The following NRG1 variants were observed in gnomAD, a reference collection of about 807,000 sequenced individuals.
The protein encoded by NRG1 is pro-neuregulin-1, membrane-bound isoform.
In NRG1, 18 loss-of-function variants were observed where a neutral mutation model predicts 63.8. That is an observed-to-expected ratio of 0.28 (90% CI 0.19 to 0.42). The LOEUF is 0.42. NRG1 is among the 10% of genes least tolerant of loss of function. NRG1 has a pLI of 1.00. For missense variants in NRG1, 762 were observed against 814.7 expected (o/e 0.94, Z 0.79); for synonymous variants, 302 against 301.3 (o/e 1.00, Z -0.02).
intron 1 of NRG1, among the ~76,000 whole-genome samples, chr8:31,792,581 A>C (rs1024267782): frequency 2.0e-5 from 3 of 152,250 alleles, no homozygotes; most frequent in Non-Finnish European, 2.9e-5. Flanking sequence ...GATTAGTAAA[A>C]ATTTAATACT....
At chr8:32,050,252 T>C (rs1246797282) in intron 1 of NRG1, among the ~76,000 whole-genome samples, 1 of 152,054 alleles carries the variant, frequency 6.6e-6, no homozygotes, top group Non-Finnish European at 1.5e-5. Context: ...CAAAATATAT[T>C]TTCTCTTTTC....
rs1257020193 is a variant in NRG1 at position 32,050,048 on chromosome 8, C to T, written c.37+410617C>T. 3.3e-5 allele frequency among the ~76,000 whole-genome samples: 5 copies of T among 152,180 alleles called. No individual in the cohort carries two copies. In the East Asian group the frequency reaches 9.7e-4, roughly 29 times the overall value. On this transcript the variant is annotated intron_variant, in intron 1 of 10. Coordinates refer to the NRG1 transcript ENST00000519301. ...GTTAGGAATATAGATTATGAAGAGCCTCCTTATCCTGAAAGCTGAGATAAT... is the reference window on the plus strand; with the variant it reads ...GTTAGGAATATAGATTATGAAGAGCTTCCTTATCCTGAAAGCTGAGATAAT...
chr8:32,378,672 GGTTA>G (rs1235712484), intron 1 of NRG1, among the ~76,000 whole-genome samples: 1 of 152,086 alleles, frequency 6.6e-6, no homozygotes, highest in African/African-American at 2.4e-5. Flanking sequence ...ACAACGTGCA[GGTTA>G]GTTACATATT....
intron 1 of NRG1, among the ~76,000 whole-genome samples, chr8:31,654,261 T>G (rs764964913): frequency 1.3e-5 from 2 of 152,228 alleles, no homozygotes; most frequent in Non-Finnish European, 2.9e-5. Context: ...TGTGATTAGC[T>G]GAGTATATGG....
intron 1 of NRG1, among the ~76,000 whole-genome samples, chr8:32,329,818 A>G (rs568939637): frequency 5.3e-5 from 8 of 152,046 alleles, no homozygotes; most frequent in Non-Finnish European, 4.4e-5. Flanking sequence ...AAAGTAAACT[A>G]CGTGATATAG....
intron 5 of NRG1, among the ~76,000 whole-genome samples, chr8:32,713,211 A>G (rs1448354934): frequency 2.0e-5 from 3 of 152,184 alleles, no homozygotes; most frequent in Non-Finnish European, 4.4e-5. Context: ...TGATAGTCCT[A>G]TATAGGAAAC....
chr8:32,132,826 A>G (rs961761520), intron 1 of NRG1, among the ~76,000 whole-genome samples: 1 of 152,082 alleles, frequency 6.6e-6, no homozygotes, highest in Non-Finnish European at 1.5e-5. Context: ...TTTTATTTTA[A>G]TTAACGAAAA....
At chr8:31,948,460 C>T (rs956035049) in intron 1 of NRG1, among the ~76,000 whole-genome samples, 2 of 152,150 alleles carry the variant, frequency 1.3e-5, no homozygotes, top group Non-Finnish European at 2.9e-5. Context: ...ATTTACAGCA[C>T]CTGCTACAGC....
At chr8:32,513,301 G>C (rs1017556602) in intron 1 of NRG1, among the ~76,000 whole-genome samples, 2 of 151,554 alleles carry the variant, frequency 1.3e-5, no homozygotes, top group African/African-American at 4.9e-5. Context: ...TTCCATATAA[G>C]GGGCAAAAGA....
chr8:32,268,304 C>T lies in NRG1; in HGVS notation c.38-327524C>T, dbSNP rs145555553. On this transcript the variant is annotated intron_variant, in intron 1 of 10. Coordinates refer to the NRG1 transcript ENST00000519301. ...AGTCAGGATTCCTAAGCCACATAAC[C>T]CGTGAGATAATAAATGTGTGTTTTA... 9.7e-3 allele frequency among the ~76,000 whole-genome samples: 1,475 copies of T among 152,202 alleles called. 16 individuals carry two copies. The highest frequency in any genetic ancestry group is 0.02 in the Admixed American group (304 of 15,288).
chr8:32,294,157 C>A (rs1327661389), intron 1 of NRG1, among the ~76,000 whole-genome samples: 1 of 151,972 alleles, frequency 6.6e-6, no homozygotes, highest in Non-Finnish European at 1.5e-5. Flanking sequence ...TCATAAATCC[C>A]CAAGCCCACA....
chr8:32,350,884 C>A (rs889623583), intron 1 of NRG1, among the ~76,000 whole-genome samples: 12 of 152,098 alleles, frequency 7.9e-5, no homozygotes, highest in African/African-American at 2.9e-4. Flanking sequence ...CAGATCAGCG[C>A]GGTGTCCACG....
intron 1 of NRG1, among the ~76,000 whole-genome samples, chr8:32,521,309 T>C (rs535994272): frequency 2.0e-5 from 3 of 152,304 alleles, no homozygotes; most frequent in Admixed American, 2.0e-4. Flanking sequence ...AATAGTTGGT[T>C]TTGACAACAC....
At chr8:31,939,240 G>A (rs1801395548) in intron 1 of NRG1, among the ~76,000 whole-genome samples, 1 of 152,162 alleles carries the variant, frequency 6.6e-6, no homozygotes, top group Admixed American at 6.5e-5. Flanking sequence ...AGTTAGAAGA[G>A]ATTGGGGTCC....
intron 1 of NRG1, among the ~76,000 whole-genome samples, chr8:31,822,415 C>G (rs1824093610): frequency 6.6e-6 from 1 of 151,944 alleles, no homozygotes. Flanking sequence ...GTAAGTCTCC[C>G]TCTCTTAAAA....
chr8:31,836,029 C>A (rs1215839212), intron 1 of NRG1, among the ~76,000 whole-genome samples: 4 of 152,104 alleles, frequency 2.6e-5, no homozygotes, highest in Non-Finnish European at 4.4e-5. Flanking sequence ...TATTGGACAG[C>A]AGAGATTTAG....
intron 1 of NRG1, among the ~76,000 whole-genome samples, chr8:32,337,686 G>T (rs1261273475): frequency 3.8e-4 from 15 of 39,504 alleles, no homozygotes; most frequent in Middle Eastern, 0.019. Flanking sequence ...AAAAAAAGCT[G>T]ATGCAGTTAG....
intron 5 of NRG1, among the ~76,000 whole-genome samples, chr8:32,629,885 A>G (rs1849966827): frequency 6.6e-6 from 1 of 152,188 alleles, no homozygotes; most frequent in Non-Finnish European, 1.5e-5. Flanking sequence ...TGTCAATAAC[A>G]TGGATTTTTC....
intron 1 of NRG1, among the ~76,000 whole-genome samples, chr8:32,212,265 A>G (rs904361210): frequency 6.6e-6 from 1 of 152,218 alleles, no homozygotes; most frequent in Non-Finnish European, 1.5e-5. Flanking sequence ...AAATTAAATA[A>G]TACACATAAA....
Sources: allele counts gnomAD v4.1 joint callset (sites outside exome capture counted in the v4.1 genomes callset), GRCh38; gene constraint gnomAD v4.1.1; transcripts MANE v1.5; gene names NCBI Gene and HGNC (gene_info 2026-07-23, HGNC 2026-07-21).